The following MAP4K4 variants were observed in gnomAD, a reference collection of about 807,000 sequenced individuals.
MAP4K4 encodes mitogen-activated protein kinase kinase kinase kinase 4.
In MAP4K4, 38 loss-of-function variants were observed where a neutral mutation model predicts 189.6. The observed-to-expected ratio is 0.20, with a 90% confidence interval of 0.15 to 0.26. The LOEUF (loss-of-function observed/expected upper bound fraction) is 0.26. Ranked by LOEUF, MAP4K4 falls within the 10% of genes least tolerant of loss-of-function variation. The pLI, the probability that MAP4K4 is intolerant of heterozygous loss-of-function variation, is 1.00. For synonymous variants in MAP4K4, 610 were observed against 624.3 expected (o/e 0.98, Z 0.34); for missense variants, 1,054 against 1,726.9 (o/e 0.61, Z 6.91).
intron 3 of MAP4K4, among the ~76,000 whole-genome samples, chr2:101,803,574 G>T (rs2094599564): frequency 6.6e-6 from 1 of 152,026 alleles, no homozygotes; most frequent in African/African-American, 2.4e-5. Flanking sequence ...CTCTTCATAG[G>T]ACTGGGGTAT....
intron 16 of MAP4K4, chr2:101,862,373 G>A (rs1448539885): frequency 1.3e-5 from 2 of 151,942 alleles, no homozygotes; most frequent in Admixed American, 6.6e-5. Flanking sequence ...GGTAGCTCCA[G>A]AGAGGAGAGG....
chr2:101,825,553 A>G lies in MAP4K4; in HGVS notation c.417+124A>G, dbSNP rs1013570040. Reference sequence around the variant, plus strand: ...TATAGATTATTCTCTTTGACAGCCAAGGGTTCTGTATATCTAGCTAGCTTT... The same window carrying G: ...TATAGATTATTCTCTTTGACAGCCAGGGGTTCTGTATATCTAGCTAGCTTT... On this transcript the variant is annotated intron_variant, in intron 5 of 32. Coordinates refer to ENST00000324219, the Ensembl canonical transcript of MAP4K4. 4 of 536,082 alleles carry G rather than the reference A, an allele frequency of 7.5e-6. No homozygotes were observed. In the African/African-American group the frequency reaches 7.9e-5, roughly 11 times the overall value. The allele number at this position is 536,082 out of a possible 1,614,324, so 33.2% of individuals were successfully genotyped here.
intron 13 of MAP4K4, among the ~76,000 whole-genome samples, chr2:101,857,562 G>A (rs960731909): frequency 2.0e-5 from 3 of 152,132 alleles, no homozygotes; most frequent in Admixed American, 6.5e-5. Context: ...CCTTTGCTCC[G>A]TCACAGTTGG....
At chr2:101,736,285 G>T (rs918847682) in intron 2 of MAP4K4, among the ~76,000 whole-genome samples, 1 of 152,136 alleles carries the variant, frequency 6.6e-6, no homozygotes, top group Non-Finnish European at 1.5e-5. Flanking sequence ...TCTTTAATGC[G>T]ACTCTAGGCC....
chr2:101,717,728 A>C (rs2049201078), intron 2 of MAP4K4, among the ~76,000 whole-genome samples: 1 of 152,314 alleles, frequency 6.6e-6, no homozygotes, highest in Non-Finnish European at 1.5e-5. Context: ...GAAATGAATC[A>C]GGATGTGCTA....
chr2:101,788,381 G>A lies in MAP4K4; in HGVS notation c.124-2339G>A, dbSNP rs147030903. Among the ~76,000 whole-genome samples, 677 of 152,288 alleles carry A rather than the reference G, an allele frequency of 4.4e-3. 5 individuals are homozygous for A. Among genetic ancestry groups the A allele is most frequent in the African/African-American group, 0.015 (637 of 41,548 alleles). On this transcript the variant is annotated intron_variant, in intron 2 of 32. Coordinates refer to ENST00000324219, the Ensembl canonical transcript of MAP4K4. The stretch of plus-strand genomic sequence containing the variant: ...CCACCTGCCGGACTCTAGAACGGGG[G>A]CGAAGCACCTGAACATGGGGTCGGA...
Position 101,701,862 on chromosome 2 carries a change from G to A in MAP4K4, c.123+3324G>A, listed in dbSNP as rs1473513375. Among the ~76,000 whole-genome samples, 14 of 139,960 alleles carry A rather than the reference G, an allele frequency of 1.0e-4. No individual in the cohort carries two copies. In the Admixed American group the frequency reaches 1.0e-3, roughly 10 times the overall value. 91.8% of individuals were successfully genotyped at this position (139,960 alleles called of 152,430 possible). On this transcript the variant is annotated intron_variant, in intron 2 of 32. Transcript: ENST00000324219. ...TCAAGTTTGTTTCCATGTTATTTTG[G>A]ATTTTATTGTTATTTTGTTTTGAGA...
chr2:101,843,590 GGT>G (rs781558277), intron 11 of MAP4K4, among the ~76,000 whole-genome samples: 9 of 152,198 alleles, frequency 5.9e-5, no homozygotes, highest in Non-Finnish European at 1.3e-4. Flanking sequence ...AGCTAGGAAG[GGT>G]GTGTTTAATT....
At chr2:101,758,094 A>G (rs539127815) in intron 2 of MAP4K4, among the ~76,000 whole-genome samples, 1 of 152,324 alleles carries the variant, frequency 6.6e-6, no homozygotes, top group African/African-American at 2.4e-5. Flanking sequence ...CTCTCTCAAA[A>G]TATCTTACTG....
chr2:101,864,598 G>T (rs1253131212), intron 17 of MAP4K4, among the ~76,000 whole-genome samples: 1 of 152,116 alleles, frequency 6.6e-6, no homozygotes, highest in Non-Finnish European at 1.5e-5. Flanking sequence ...ATAGACCATT[G>T]TTTGGTTTCT....
chr2:101,728,887 T>C (rs1032861564), intron 2 of MAP4K4, among the ~76,000 whole-genome samples: 3 of 152,310 alleles, frequency 2.0e-5, no homozygotes, highest in African/African-American at 7.2e-5. Context: ...TATCTTGTAG[T>C]ATGTGAGAGA....
At chr2:101,757,161 C>G (rs890897638) in intron 2 of MAP4K4, among the ~76,000 whole-genome samples, 2 of 152,090 alleles carry the variant, frequency 1.3e-5, no homozygotes, top group Non-Finnish European at 2.9e-5. Context: ...CATAAAGAGC[C>G]TTGGGACTTT....
chr2:101,849,913 A>T (rs2097227768), intron 12 of MAP4K4, among the ~76,000 whole-genome samples: 1 of 152,130 alleles, frequency 6.6e-6, no homozygotes, highest in Admixed American at 6.6e-5. Context: ...ATTAAACAAG[A>T]TGGTGTCCTG....
chr2:101,829,262 G>A (rs1042795929), intron 5 of MAP4K4, among the ~76,000 whole-genome samples: 6 of 152,188 alleles, frequency 3.9e-5, no homozygotes, highest in African/African-American at 1.2e-4. Flanking sequence ...ACAGCTAGAA[G>A]TGATCACGTT....
intron 5 of MAP4K4, among the ~76,000 whole-genome samples, 190 bp from the exon 6 acceptor site, chr2:101,829,314 G>A (rs2096511145): frequency 6.6e-6 from 1 of 152,162 alleles, no homozygotes; most frequent in South Asian, 2.1e-4. Flanking sequence ...GTGGAGGGTG[G>A]GGAGGACTTC....
intron 31 of MAP4K4, 124 bp from the exon 32 acceptor site, chr2:101,888,672 G>T: frequency 1.5e-6 from 1 of 672,248 alleles, no homozygotes; most frequent in Non-Finnish European, 2.2e-6. Context: ...TAAATGCTAG[G>T]CATTTAAATT....
chr2:101,758,930 G>A (rs1334219958), intron 2 of MAP4K4, among the ~76,000 whole-genome samples: 2 of 151,818 alleles, frequency 1.3e-5, no homozygotes, highest in Non-Finnish European at 2.9e-5. Flanking sequence ...TCAGGAGATC[G>A]AGACCATCCT....
Position 101,721,975 on chromosome 2 carries a change from C to A in MAP4K4, c.123+23437C>A, listed in dbSNP as rs147810695. 1.8e-3 allele frequency among the ~76,000 whole-genome samples: 278 copies of A among 152,290 alleles called. 2 individuals are homozygous for A. The highest frequency in any genetic ancestry group is 6.5e-3 in the African/African-American group (269 of 41,572). The stretch of plus-strand genomic sequence containing the variant: ...CTTTGGCTAGTTGTATTCCCTAACT[C>A]CTGCTGCAGCTGATGAACAGAGTGC... On this transcript the variant is annotated intron_variant, in intron 2 of 32. Transcript: ENST00000324219.
chr2:101,869,872 C>T (rs1325933199), intron 22 of MAP4K4, 75 bp downstream of exon 22: 7 of 1,453,722 alleles, frequency 4.8e-6, no homozygotes, highest in Non-Finnish European at 6.4e-6. Flanking sequence ...CCTAGTTGTT[C>T]CTAGACTATT....
Sources: allele counts gnomAD v4.1 joint callset (sites outside exome capture counted in the v4.1 genomes callset), GRCh38; gene constraint gnomAD v4.1.1; transcripts MANE v1.5; gene names NCBI Gene and HGNC (gene_info 2026-07-23, HGNC 2026-07-21).